The following GRM8 variants were observed in gnomAD, a reference collection of about 807,000 sequenced individuals.
The protein encoded by GRM8 is glutamate metabotropic receptor 8.
GRM8 carries 47 observed loss-of-function variants against 87.2 expected under a neutral mutation model. The observed-to-expected ratio is 0.54, with a 90% confidence interval of 0.43 to 0.69. The LOEUF (loss-of-function observed/expected upper bound fraction) is 0.69. Ranked by LOEUF, GRM8 falls within the 30% of genes least tolerant of loss-of-function variation. The pLI is 0.00. For missense variants in GRM8, 1,019 were observed against 1,139.2 expected (o/e 0.89, Z 1.52); for synonymous variants, 396 against 404.5 (o/e 0.98, Z 0.25).
At chr7:126,837,391 G>A (rs1795902702) in intron 6 of GRM8, among the ~76,000 whole-genome samples, 1 of 152,230 alleles carries the variant, frequency 6.6e-6, no homozygotes, top group Non-Finnish European at 1.5e-5. Context: ...TAGAAAAGAT[G>A]TAGGGTACAT....
intron 2 of GRM8, among the ~76,000 whole-genome samples, chr7:127,220,264 T>C (rs569390867): frequency 1.3e-5 from 2 of 152,164 alleles, no homozygotes; most frequent in East Asian, 3.9e-4. Flanking sequence ...TATATGAAAA[T>C]ACAATATCAT....
At chr7:126,631,694 C>T (rs888967864) in intron 7 of GRM8, among the ~76,000 whole-genome samples, 2 of 151,988 alleles carry the variant, frequency 1.3e-5, no homozygotes, top group African/African-American at 4.8e-5. Context: ...GCACGTAGAC[C>T]AATATAACGA....
At chr7:127,099,255 G>A (rs186548198) in intron 3 of GRM8, among the ~76,000 whole-genome samples, 1 of 152,272 alleles carries the variant, frequency 6.6e-6, no homozygotes, top group Non-Finnish European at 1.5e-5. Flanking sequence ...GGATCTAATA[G>A]CTGAGTGTTG....
At chr7:126,834,311 A>G (rs1258145686) in intron 6 of GRM8, among the ~76,000 whole-genome samples, 1 of 152,260 alleles carries the variant, frequency 6.6e-6, no homozygotes, top group Admixed American at 6.5e-5. Context: ...AATACATGGG[A>G]ATTCAATTGT....
intron 8 of GRM8, among the ~76,000 whole-genome samples, chr7:126,558,854 T>A (rs1242726376): frequency 1.3e-5 from 2 of 152,006 alleles, no homozygotes; most frequent in Non-Finnish European, 2.9e-5. Flanking sequence ...TGGTAAGGAA[T>A]CAGGAAAACA....
In GRM8 at chr7:126,458,494, C is replaced by T. The variant is rs191636397; in HGVS notation, c.2431-12122G>A. On this transcript the variant is annotated intron_variant, in intron 9 of 10. Transcript: ENST00000339582. ...CCATTATCACAATGTATGTAAGCAACGCATTATAGAAATGCAAGGATAGAC... is the reference window on the plus strand; with the variant it reads ...CCATTATCACAATGTATGTAAGCAATGCATTATAGAAATGCAAGGATAGAC... 4.3e-3 allele frequency among the ~76,000 whole-genome samples: 653 copies of T among 151,078 alleles called. 5 individuals carry two copies. Among genetic ancestry groups the T allele is most frequent in the African/African-American group, 0.015 (626 of 41,374 alleles).
At chr7:126,869,301 A>G (rs1041175112) in intron 6 of GRM8, 1 of 152,216 alleles carries the variant, frequency 6.6e-6, no homozygotes, top group African/African-American at 2.4e-5. Context: ...AAAGACATTT[A>G]TAAGAGATGA....
At position 126,486,286 on chromosome 7, in the gene GRM8, T is replaced by C. The variant is rs1028697610; in HGVS notation, c.2431-39914A>G. Among the ~76,000 whole-genome samples the C allele has an allele frequency of 6.6e-5, 10 of 152,066 alleles. 1 individual carries two copies. The highest frequency in any genetic ancestry group is 5.9e-4 in the Admixed American group (9 of 15,242). ...TCACCTTTTGACATATAAGACCTAA[T>C]TGTAATGCATTTAAATGTCGTTTCC... On this transcript the variant is annotated intron_variant, in intron 9 of 10. Transcript: ENST00000339582.
chr7:126,642,944 T>C (rs1011404769), intron 7 of GRM8, among the ~76,000 whole-genome samples: 1 of 152,062 alleles, frequency 6.6e-6, no homozygotes, highest in African/African-American at 2.4e-5. Context: ...CCAACAATTG[T>C]GTTTGGCACA....
At chr7:126,973,871 G>C (rs926116067) in intron 3 of GRM8, among the ~76,000 whole-genome samples, 1 of 152,140 alleles carries the variant, frequency 6.6e-6, no homozygotes, top group Non-Finnish European at 1.5e-5. Flanking sequence ...TATACAGAGA[G>C]AGTAGCAGTT....
At chr7:126,940,459 A>G (rs1423418646) in intron 3 of GRM8, among the ~76,000 whole-genome samples, 1 of 152,098 alleles carries the variant, frequency 6.6e-6, no homozygotes, top group African/African-American at 2.4e-5. Context: ...TTGGCCGCAT[A>G]TGGTGGGCAC....
At chr7:126,694,503 C>A (rs1809168093) in intron 7 of GRM8, among the ~76,000 whole-genome samples, 1 of 152,090 alleles carries the variant, frequency 6.6e-6, no homozygotes, top group Non-Finnish European at 1.5e-5. Flanking sequence ...ATATTTATAG[C>A]AGTTTCATTT....
At chr7:126,501,641 G>A (rs1045418832) in intron 9 of GRM8, among the ~76,000 whole-genome samples, 15 of 152,004 alleles carry the variant, frequency 9.9e-5, no homozygotes, top group Non-Finnish European at 1.6e-4. Context: ...TTGTCATTGG[G>A]GATTTGGGAA....
intron 2 of GRM8, among the ~76,000 whole-genome samples, chr7:127,183,944 C>A (rs886234178): frequency 6.6e-6 from 1 of 151,810 alleles, no homozygotes; most frequent in African/African-American, 2.4e-5. Flanking sequence ...TCTTCAAAGA[C>A]ACAACTACCA....
chr7:126,488,676 T>C (rs1020359308), intron 9 of GRM8, among the ~76,000 whole-genome samples: 8 of 152,010 alleles, frequency 5.3e-5, no homozygotes, highest in South Asian at 4.1e-4. Flanking sequence ...TCTATACTAT[T>C]GGATATGTAC....
At chr7:126,604,218 A>C (rs770192377) in intron 8 of GRM8, among the ~76,000 whole-genome samples, 5 of 152,172 alleles carry the variant, frequency 3.3e-5, no homozygotes, top group Non-Finnish European at 5.9e-5. Context: ...TAATGGAGCA[A>C]AATTCCATCA....
At chr7:126,444,874 G>A (rs1000332026) in intron 10 of GRM8, among the ~76,000 whole-genome samples, 1 of 151,994 alleles carries the variant, frequency 6.6e-6, no homozygotes, top group African/African-American at 2.4e-5. Context: ...GACCGGGTGT[G>A]GTAACTCACA....
At chr7:126,558,163 T>C (rs978435489) in intron 8 of GRM8, among the ~76,000 whole-genome samples, 1 of 152,156 alleles carries the variant, frequency 6.6e-6, no homozygotes, top group African/African-American at 2.4e-5. Context: ...GCATTTATGA[T>C]TTGTGGTAGG....
chr7:127,205,018 G>A (rs572181669), intron 2 of GRM8, among the ~76,000 whole-genome samples: 2 of 152,292 alleles, frequency 1.3e-5, no homozygotes, highest in South Asian at 2.1e-4. Context: ...GTACCCACTC[G>A]TTTCAATAGC....
Sources: allele counts gnomAD v4.1 joint callset (sites outside exome capture counted in the v4.1 genomes callset), GRCh38; gene constraint gnomAD v4.1.1; transcripts MANE v1.5; gene names NCBI Gene and HGNC (gene_info 2026-07-23, HGNC 2026-07-21).